Variants in BNC2 observed in about 807,000 individuals in gnomAD.
BNC2 encodes the protein zinc finger protein basonuclin-2.
BNC2 carries 20 observed loss-of-function variants against 76.3 expected under a neutral mutation model. The observed-to-expected ratio is 0.26, with a 90% CI of 0.18 to 0.38. The LOEUF is 0.38. BNC2 is among the 10% of genes least tolerant of loss of function. The pLI, the probability that BNC2 is intolerant of heterozygous loss-of-function variation, is 1.00. For missense variants in BNC2, 1,382 were observed against 1,399.8 expected, an observed-to-expected ratio of 0.99 and a Z score of 0.20; for synonymous variants, 582 against 514.8, an observed-to-expected ratio of 1.13 and a Z score of -1.77.
intron 3 of BNC2, among the ~76,000 whole-genome samples, chr9:16,719,741 T>G (rs932201868): frequency 1.2e-4 from 19 of 152,240 alleles, no homozygotes; most frequent in Admixed American, 1.1e-3. Flanking sequence ...TCATGTGTTA[T>G]GTATACTGCA....
At chr9:16,760,905 G>C (rs915883203) in intron 1 of BNC2, among the ~76,000 whole-genome samples, 60 of 152,044 alleles carry the variant, frequency 3.9e-4, no homozygotes, top group African/African-American at 1.4e-3. Context: ...AAGAAAAGTA[G>C]GTAACAATGA....
At chr9:16,459,393 T>C (rs1210747286) in intron 5 of BNC2, among the ~76,000 whole-genome samples, 2 of 152,184 alleles carry the variant, frequency 1.3e-5, no homozygotes. Context: ...GTTGCATTTG[T>C]TTTCTGTGTC....
chr9:16,499,585 A>G (rs1318868087), intron 5 of BNC2, among the ~76,000 whole-genome samples: 1 of 143,098 alleles, frequency 7.0e-6, no homozygotes, highest in East Asian at 2.0e-4. Context: ...GCTGGAGTGC[A>G]ATGGCACAAT....
chr9:16,848,338 C>T (rs930984951), intron 1 of BNC2, among the ~76,000 whole-genome samples: 1 of 152,070 alleles, frequency 6.6e-6, no homozygotes, highest in Non-Finnish European at 1.5e-5. Context: ...TGAATGGGTG[C>T]TGGAAACATA....
intron 1 of BNC2, among the ~76,000 whole-genome samples, chr9:16,859,307 T>G: frequency 6.6e-6 from 1 of 152,174 alleles, no homozygotes; most frequent in East Asian, 1.9e-4. Context: ...CCTCAAAAAA[T>G]TAAGAACTAC....
At chr9:16,685,691 C>T in intron 3 of BNC2, 1 of 1,132,998 alleles carries the variant, frequency 8.8e-7, no homozygotes, top group Non-Finnish European at 1.2e-6. Context: ...CACACAGTCA[C>T]ACTTGACCCA....
intron 5 of BNC2, among the ~76,000 whole-genome samples, chr9:16,470,107 C>G (rs1287541388): frequency 6.7e-6 from 1 of 150,266 alleles, no homozygotes; most frequent in Non-Finnish European, 1.5e-5. Flanking sequence ...ATGCCATTCT[C>G]CTGCCTCAGC....
At chr9:16,748,676 C>A (rs1368356149) in intron 1 of BNC2, among the ~76,000 whole-genome samples, 1 of 151,436 alleles carries the variant, frequency 6.6e-6, no homozygotes, top group Non-Finnish European at 1.5e-5. Context: ...AACCCCATCT[C>A]CACTAAAAAT....
chr9:16,459,749 T>C (rs1019299598), intron 5 of BNC2, among the ~76,000 whole-genome samples: 1 of 152,076 alleles, frequency 6.6e-6, no homozygotes, highest in Non-Finnish European at 1.5e-5. Context: ...AATCACAAGT[T>C]AGTCTAGTGG....
At chr9:16,445,996 A>T (rs1821223438) in intron 5 of BNC2, among the ~76,000 whole-genome samples, 1 of 152,186 alleles carries the variant, frequency 6.6e-6, no homozygotes, top group South Asian at 2.1e-4. Flanking sequence ...AAAACTTTGT[A>T]TTAAAGAAGT....
intron 4 of BNC2, among the ~76,000 whole-genome samples, chr9:16,573,325 T>C (rs1259905639): frequency 6.6e-6 from 1 of 152,092 alleles, no homozygotes; most frequent in African/African-American, 2.4e-5. Flanking sequence ...AAAAAAGTGA[T>C]GTTTAAAAAC....
At chr9:16,567,409 T>TG (rs1477995185) in intron 4 of BNC2, among the ~76,000 whole-genome samples, 1 of 152,296 alleles carries the variant, frequency 6.6e-6, no homozygotes, top group African/African-American at 2.4e-5. Flanking sequence ...AAAATAGTGC[T>TG]GGGGGTGGGT....
chr9:16,647,430 C>G (rs1821663270), intron 3 of BNC2, among the ~76,000 whole-genome samples: 1 of 152,070 alleles, frequency 6.6e-6, no homozygotes, highest in Non-Finnish European at 1.5e-5. Context: ...CAGAGGCCGA[C>G]CTGGTTAGCT....
At chr9:16,642,824 G>C (rs1017712658) in intron 3 of BNC2, among the ~76,000 whole-genome samples, 2 of 152,172 alleles carry the variant, frequency 1.3e-5, no homozygotes, top group Non-Finnish European at 2.9e-5. Context: ...CCTTCTAGGA[G>C]AAGGTACAGT....
chr9:16,591,217 C>T (rs192933453), intron 3 of BNC2, among the ~76,000 whole-genome samples: 3 of 152,232 alleles, frequency 2.0e-5, no homozygotes, highest in East Asian at 1.9e-4. Context: ...TTTTCTTGCA[C>T]GGTGGACAAC....
At chr9:16,433,651 T>C (rs762058993) in intron 6 of BNC2, among the ~76,000 whole-genome samples, 3 of 152,230 alleles carry the variant, frequency 2.0e-5, no homozygotes, top group South Asian at 2.1e-4. Context: ...GACATAAATA[T>C]ACAAGCGCTT....
intron 1 of BNC2, among the ~76,000 whole-genome samples, chr9:16,816,344 A>G (rs922786000): frequency 3.9e-5 from 6 of 152,194 alleles, no homozygotes; most frequent in African/African-American, 1.4e-4. Context: ...CCACCACTTC[A>G]AGATGAAGGA....
chr9:16,811,636 T>C (rs1310851143), intron 1 of BNC2, among the ~76,000 whole-genome samples: 1 of 146,458 alleles, frequency 6.8e-6, no homozygotes, highest in East Asian at 2.0e-4. Flanking sequence ...ATTCAGTACA[T>C]ATGTAAACAG....
At chr9:16,704,804 C>G (rs897691440) in intron 3 of BNC2, 1 of 152,178 alleles carries the variant, frequency 6.6e-6, no homozygotes, top group Non-Finnish European at 1.5e-5. Context: ...CAGATCAGTC[C>G]TGGCCTTCGG....
Sources: allele counts gnomAD v4.1 joint callset (sites outside exome capture counted in the v4.1 genomes callset), GRCh38; gene constraint gnomAD v4.1.1; transcripts MANE v1.5; gene names NCBI Gene and HGNC (gene_info 2026-07-23, HGNC 2026-07-21).